FRYL: variants seen among roughly 807,000 people sequenced by gnomAD.
The protein encoded by FRYL is FRY like transcription coactivator.
A neutral mutation model predicts 351.2 loss-of-function variants in FRYL; 150 were observed. The observed-to-expected ratio is 0.43, with a 90% CI of 0.37 to 0.49. FRYL has a LOEUF of 0.49. Ranked by LOEUF, FRYL falls within the 20% of genes least tolerant of loss-of-function variation. FRYL has a pLI of 0.00. For missense variants in FRYL, 3,036 were observed against 3,619.3 expected (o/e 0.84, Z 4.13); for synonymous variants, 1,153 against 1,257.1 (o/e 0.92, Z 1.75).
chr4:48,654,494 C>G (rs1455920289), intron 3 of FRYL, among the ~76,000 whole-genome samples: 1 of 152,096 alleles, frequency 6.6e-6, no homozygotes, highest in African/African-American at 2.4e-5. Context: ...CTGGAGATCA[C>G]GCTGGCTAAT....
At chr4:48,524,976 G>C (rs576757338) in intron 53 of FRYL, among the ~76,000 whole-genome samples, 71 of 151,260 alleles carry the variant, frequency 4.7e-4, no homozygotes, top group Non-Finnish European at 9.0e-4. Flanking sequence ...TCCGTTACTT[G>C]GTTGTGCAAG....
At chr4:48,715,289 A>C (rs1305521353) in intron 1 of FRYL, among the ~76,000 whole-genome samples, 1 of 151,900 alleles carries the variant, frequency 6.6e-6, no homozygotes, top group Non-Finnish European at 1.5e-5. Flanking sequence ...CAGGCAGGAG[A>C]AGGAAATAAA....
chr4:48,612,750 T>TC (rs1332423447), intron 7 of FRYL, among the ~76,000 whole-genome samples: 2 of 151,518 alleles, frequency 1.3e-5, no homozygotes, highest in Non-Finnish European at 3.0e-5. Flanking sequence ...GGCTAATTTT[T>TC]TTTTTTTTTT....
At chr4:48,701,999 T>C (rs1766770612) in intron 2 of FRYL, among the ~76,000 whole-genome samples, 2 of 152,196 alleles carry the variant, frequency 1.3e-5, no homozygotes, top group Non-Finnish European at 2.9e-5. Context: ...CATTCTTCTG[T>C]TTCTAAATGA....
At chr4:48,636,058 CTT>C (rs1232594110) in intron 3 of FRYL, among the ~76,000 whole-genome samples, 1 of 152,118 alleles carries the variant, frequency 6.6e-6, no homozygotes, top group African/African-American at 2.4e-5. Flanking sequence ...AAATAAACAT[CTT>C]TGTGTCATAT....
chr4:48,724,905 T>C (rs1276505304), intron 1 of FRYL, among the ~76,000 whole-genome samples: 1 of 152,144 alleles, frequency 6.6e-6, no homozygotes, highest in Admixed American at 6.5e-5. Flanking sequence ...ACCTAATGTC[T>C]CCAAAAAATA....
intron 16 of FRYL, among the ~76,000 whole-genome samples, chr4:48,591,987 T>A (rs1743353247): frequency 8.0e-6 from 1 of 124,874 alleles, no homozygotes; most frequent in Admixed American, 7.7e-5. Flanking sequence ...GCTGTCATTA[T>A]CTCTGATCTA....
rs1215399026 is a variant in FRYL, at chr4:48,521,962, G to A, written c.7522-747C>T. Among the ~76,000 whole-genome samples the A allele has an allele frequency of 9.9e-5, 15 of 152,212 alleles. No homozygotes were observed. The East Asian group carries it at 2.7e-3, about 28-fold the overall frequency. ...ACTGCCAGCACTTTACCAGCAGGCCGAGTGGAGCAAATGGATCTAAATTAA... is the reference window on the plus strand; with the variant it reads ...ACTGCCAGCACTTTACCAGCAGGCCAAGTGGAGCAAATGGATCTAAATTAA... On this transcript the variant is annotated intron_variant, in intron 54 of 63. Transcript: ENST00000358350.
chr4:48,614,386 C>A (rs529651226), intron 7 of FRYL, among the ~76,000 whole-genome samples: 1 of 152,064 alleles, frequency 6.6e-6, no homozygotes, highest in Non-Finnish European at 1.5e-5. Context: ...ATTTTAGAAG[C>A]GGCTCTAATT....
chr4:48,522,844 T>G, intron 54 of FRYL, 57 bp downstream of exon 54: 1 of 1,250,472 alleles, frequency 8.0e-7, no homozygotes, highest in Non-Finnish European at 1.2e-6. Flanking sequence ...ATTAAGAAGT[T>G]GGAAGTTAAG....
intron 25 of FRYL, chr4:48,574,591 A>G (rs1195550897): frequency 6.6e-6 from 1 of 152,228 alleles, no homozygotes; most frequent in South Asian, 2.1e-4. Flanking sequence ...TCTCATATTA[A>G]TTGAGGAAAT....
intron 25 of FRYL, among the ~76,000 whole-genome samples, 168 bp from the exon 26 acceptor site, chr4:48,573,411 A>C (rs1281048851): frequency 6.6e-6 from 1 of 152,192 alleles, no homozygotes; most frequent in Non-Finnish European, 1.5e-5. Flanking sequence ...ATTATATTAT[A>C]GACTATTTGG....
chr4:48,557,926 T>C (rs1734492264), intron 33 of FRYL, among the ~76,000 whole-genome samples: 1 of 152,236 alleles, frequency 6.6e-6, no homozygotes, highest in Admixed American at 6.5e-5. Flanking sequence ...ACAAAATACT[T>C]TTGGCAGTTA....
chr4:48,632,100 A>ATATATATATATATG (rs1390178992), intron 4 of FRYL, among the ~76,000 whole-genome samples: 741 of 29,034 alleles, frequency 0.026, 16 homozygotes, highest in Non-Finnish European at 0.041. Context: ...AAATATATAT[A>ATATATATATATATG]TATATATATA....
At chr4:48,728,989 G>A (rs1770408389) in intron 1 of FRYL, among the ~76,000 whole-genome samples, 2 of 152,238 alleles carry the variant, frequency 1.3e-5, no homozygotes, top group Admixed American at 1.3e-4. Context: ...GTGAGTGACT[G>A]TACCTGGAGG....
chr4:48,687,516 A>AG (rs1560861234), intron 2 of FRYL, among the ~76,000 whole-genome samples: 20 of 46,492 alleles, frequency 4.3e-4, no homozygotes, highest in South Asian at 1.1e-3. Flanking sequence ...GTGAGGGGGG[A>AG]GGGGGGCGGA....
At chr4:48,746,305 A>G (rs183327601) in intron 1 of FRYL, among the ~76,000 whole-genome samples, 377 of 152,064 alleles carry the variant, frequency 2.5e-3, no homozygotes, top group African/African-American at 8.9e-3. Context: ...GGTGGCTCAC[A>G]TCTGTAATCC....
intron 3 of FRYL, among the ~76,000 whole-genome samples, chr4:48,647,581 CACA>C (rs775177455): frequency 3.3e-5 from 5 of 152,156 alleles, no homozygotes; most frequent in Non-Finnish European, 5.9e-5. Context: ...CTGTACTTCT[CACA>C]ACACTAACTG....
At chr4:48,715,807 G>C (rs189156501) in intron 1 of FRYL, among the ~76,000 whole-genome samples, 1 of 152,098 alleles carries the variant, frequency 6.6e-6, no homozygotes, top group Non-Finnish European at 1.5e-5. Context: ...AAAAGAGCCC[G>C]CATCGCCAAG....
Sources: gnomAD v4.1 joint callset for allele counts (sites outside exome capture counted in the v4.1 genomes callset) on GRCh38, gnomAD v4.1.1 for gene constraint, MANE v1.5 for transcripts, NCBI Gene and HGNC (gene_info 2026-07-23, HGNC 2026-07-21) for gene names.